Variants in ZNF354A observed in about 807,000 individuals in gnomAD.
ZNF354A encodes the protein epididymis luminal protein 104.
A neutral mutation model predicts 53.3 loss-of-function variants in ZNF354A; 25 were observed. That is an observed-to-expected ratio of 0.47 (90% CI 0.34 to 0.66). The LOEUF (loss-of-function observed/expected upper bound fraction) is 0.66. ZNF354A is among the 30% of genes least tolerant of loss of function. The pLI is 0.01. For missense variants in ZNF354A, 586 were observed against 716.8 expected (o/e 0.82, Z 2.08); for synonymous variants, 228 against 249.0 (o/e 0.92, Z 0.79).
chr5:178,730,363 G>A (rs1476625974), intron 1 of ZNF354A, among the ~76,000 whole-genome samples, 193 bp downstream of exon 1: 2 of 151,874 alleles, frequency 1.3e-5, no homozygotes, highest in Non-Finnish European at 2.9e-5. Context: ...ACGGCGAGCC[G>A]GACGCGGGTG....
intron 4 of ZNF354A, among the ~76,000 whole-genome samples, chr5:178,718,134 A>G (rs1213760162): frequency 6.6e-6 from 1 of 152,224 alleles, no homozygotes; most frequent in East Asian, 1.9e-4. Context: ...TAAAGTGCCA[A>G]TATTTTAGTC....
At chr5:178,721,236 G>A (rs1279261336) in intron 4 of ZNF354A, among the ~76,000 whole-genome samples, 2 of 152,130 alleles carry the variant, frequency 1.3e-5, no homozygotes, top group South Asian at 2.1e-4. Flanking sequence ...GCGATGTTGT[G>A]CAGTCATCAG....
At position 178,712,214 on chromosome 5, in the gene ZNF354A, C is replaced by T. The variant is rs1208984107; in HGVS notation, c.1664G>A (p.Cys555Tyr). The change falls in exon 5 of 5, where the codon TGT becomes TAT. Residue 555 changes from cysteine (C) to tyrosine (Y), a missense_variant. Physicochemically the swap from Cys to Tyr is radical, Grantham distance 194. Around this residue, in one of 2 missense-constraint regions of ZNF354A, gnomAD observed 573 missense variants for 680.1 expected, o/e 0.84. Coordinates refer to ENST00000335815, the MANE Select transcript of ZNF354A (RefSeq NM_005649.3). ...TGEKPFKCNTCGKTFRQSSSR... is the reference protein window; with the variant it reads ...TGEKPFKCNTYGKTFRQSSSR... The stretch of plus-strand genomic sequence containing the variant: ...TGAGCTTTGTCTAAAAGTTTTTCCA[C>T]ATGTATTACATTTAAAGGGTTTTTC... The T allele has an allele frequency of 6.2e-6, 10 of 1,614,088 alleles. No individual in the cohort carries two copies. Among genetic ancestry groups the T allele is most frequent in the Non-Finnish European group, 8.5e-6 (10 of 1,179,992 alleles).
chr5:178,718,436 G>C (rs564904643), intron 4 of ZNF354A, among the ~76,000 whole-genome samples: 2 of 152,180 alleles, frequency 1.3e-5, no homozygotes, highest in South Asian at 4.1e-4. Flanking sequence ...TACACCCAGA[G>C]AGTGTTTCTT....
intron 1 of ZNF354A, among the ~76,000 whole-genome samples, chr5:178,729,882 T>TTTTTTTTTTTTTTTC: frequency 6.8e-6 from 1 of 147,660 alleles, no homozygotes; most frequent in Admixed American, 6.7e-5. Flanking sequence ...GTTTCTTTTT[T>TTTTTTTTTTTTTTTC]GAGACGGAGT....
chr5:178,715,933 G>A (rs1463687710), intron 4 of ZNF354A, among the ~76,000 whole-genome samples: 1 of 148,484 alleles, frequency 6.7e-6, no homozygotes, highest in Non-Finnish European at 1.5e-5. Flanking sequence ...GTCTCACTGT[G>A]TCACCCAGGC....
At chr5:178,724,670 T>G (rs1765871974) in intron 4 of ZNF354A, among the ~76,000 whole-genome samples, 1 of 152,186 alleles carries the variant, frequency 6.6e-6, no homozygotes, top group Admixed American at 6.5e-5. Context: ...CCATTCTCAA[T>G]CCCATTCCAA....
chr5:178,720,615 C>G (rs1482312501), intron 4 of ZNF354A, among the ~76,000 whole-genome samples: 1 of 152,140 alleles, frequency 6.6e-6, no homozygotes, highest in African/African-American at 2.4e-5. Flanking sequence ...CGGGGCCCTG[C>G]GAATATCTTG....
chr5:178,726,201 C>G, intron 3 of ZNF354A: 1 of 455,852 alleles, frequency 2.2e-6, no homozygotes, highest in Non-Finnish European at 4.4e-6. Context: ...GGGCCAAATT[C>G]AGACCACTGC....
In ZNF354A at chr5:178,724,356, C is replaced by T. The variant is rs1765866626; in HGVS notation, c.256+1020G>A. On this transcript the variant is annotated intron_variant, in intron 4 of 4. Coordinates refer to ENST00000335815, the MANE Select transcript of ZNF354A (RefSeq NM_005649.3). ...TCTCCTGTCTCAGCCTCCGGAGTAG[C>T]TGGGATTACAGGCCTGCCCCACCAC... 2.0e-5 allele frequency among the ~76,000 whole-genome samples: 3 copies of T among 151,988 alleles called. No individual in the cohort carries two copies. In the South Asian group the frequency reaches 6.2e-4, roughly 32 times the overall value.
chr5:178,718,990 C>T (rs1765762154), intron 4 of ZNF354A, among the ~76,000 whole-genome samples: 1 of 152,190 alleles, frequency 6.6e-6, no homozygotes, highest in Non-Finnish European at 1.5e-5. Flanking sequence ...TCTAATAAGC[C>T]ATCGTGAATA....
intron 4 of ZNF354A, among the ~76,000 whole-genome samples, chr5:178,717,077 C>CA (rs5873633): frequency 0.038 from 2,510 of 65,318 alleles, 149 homozygotes; most frequent in African/African-American, 0.08. Flanking sequence ...GACTCCATCT[C>CA]AAAAAAAAAA....
At chr5:178,728,023 G>A (rs996128060) in intron 2 of ZNF354A, among the ~76,000 whole-genome samples, 3 of 152,040 alleles carry the variant, frequency 2.0e-5, no homozygotes, top group Admixed American at 2.0e-4. Flanking sequence ...GCTAATTTTT[G>A]TATTTTTAGT....
intron 4 of ZNF354A, among the ~76,000 whole-genome samples, chr5:178,714,541 C>G (rs1193318108): frequency 6.6e-6 from 1 of 152,090 alleles, no homozygotes; most frequent in Non-Finnish European, 1.5e-5. Flanking sequence ...ATGTATCTCA[C>G]TTTCCTTTTC....
chr5:178,716,435 T>C (rs1765717217), intron 4 of ZNF354A, among the ~76,000 whole-genome samples: 1 of 152,202 alleles, frequency 6.6e-6, no homozygotes, highest in South Asian at 2.1e-4. Flanking sequence ...ATGACTTGAC[T>C]TGTTTATCTT....
chr5:178,718,112 T>C (rs1765747895), intron 4 of ZNF354A, among the ~76,000 whole-genome samples: 1 of 152,194 alleles, frequency 6.6e-6, no homozygotes, highest in African/African-American at 2.4e-5. Flanking sequence ...TCTGGAAAAC[T>C]CATCCCAACT....
chr5:178,729,469 G>A, intron 1 of ZNF354A: 3 of 194,574 alleles, frequency 1.5e-5, no homozygotes, highest in Non-Finnish European at 3.1e-5. Context: ...CGACGGCCCC[G>A]GGACGACTTC....
At chr5:178,718,619 C>T (rs1179465562) in intron 4 of ZNF354A, among the ~76,000 whole-genome samples, 1 of 152,190 alleles carries the variant, frequency 6.6e-6, no homozygotes, top group Non-Finnish European at 1.5e-5. Flanking sequence ...CCTTTTCAAA[C>T]CTTTTTTATA....
intron 3 of ZNF354A, 51 bp downstream of exon 3, chr5:178,726,948 C>T: frequency 6.4e-7 from 1 of 1,571,212 alleles, no homozygotes; most frequent in Non-Finnish European, 8.6e-7. Flanking sequence ...GAAGGAGGTG[C>T]TGAGATATCC....
Sources: gnomAD v4.1 joint callset for allele counts (sites outside exome capture counted in the v4.1 genomes callset) on GRCh38, gnomAD v4.1.1 for gene constraint, gnomAD v4.1.1 regional missense constraint, MANE v1.5 for transcripts, NCBI Gene and HGNC (gene_info 2026-07-23, HGNC 2026-07-21) for gene names.